FBXL6: variants seen among roughly 807,000 people sequenced by gnomAD.
FBXL6 encodes F-box/LRR-repeat protein 6.
In FBXL6, 50 loss-of-function variants were observed where a neutral mutation model predicts 53.3. The observed-to-expected ratio is 0.94, with a 90% confidence interval of 0.75 to 1.19. The LOEUF (loss-of-function observed/expected upper bound fraction) is 1.19, where lower values mean the gene tolerates loss of function less well. Ranked by LOEUF, FBXL6 falls within the 50% of genes most tolerant of loss-of-function variation. The probability of loss-of-function intolerance (pLI) is 0.00; values close to 1 mark genes in which losing one functional copy is unlikely to be tolerated. For missense variants in FBXL6, 815 were observed against 719.0 expected, an observed-to-expected ratio of 1.13 and a Z score of -1.53; for synonymous variants, 405 against 322.9, an observed-to-expected ratio of 1.25 and a Z score of -2.73.
intron 1 of FBXL6, 81 bp from the exon 2 acceptor site, chr8:144,357,867 A>G (rs1312920826): frequency 6.9e-7 from 1 of 1,439,876 alleles, no homozygotes; most frequent in East Asian, 2.5e-5. Flanking sequence ...ACCCCGGCTC[A>G]AAGCCGGGCT....
chr8:144,356,479 AC>A lies in FBXL6; in HGVS notation c.1045del (p.Val349TrpfsTer10). 6.2e-7 allele frequency: 1 copy of A among 1,612,862 alleles called. No homozygotes were observed. Among genetic ancestry groups the A allele is most frequent in the Non-Finnish European group, 8.5e-7 (1 of 1,179,996 alleles). ...GCTAGGGAAGCCTGGTCCGGGAGCCACCCCTCGTCCCGGAGGCTTGGGCAGC... is the reference window on the plus strand; with the variant it reads ...GCTAGGGAAGCCTGGTCCGGGAGCCACCCTCGTCCCGGAGGCTTGGGCAGC... ...MWLPKPPGRG[V>X]APGPGFPSLE... is the part of the protein sequence containing the mutation. On this transcript the variant is annotated frameshift_variant, in exon 7 of 9. Transcript: ENST00000331890. LOFTEE classifies it high-confidence loss of function.
At chr8:144,357,532 TA>T in intron 2 of FBXL6, 30 bp from the exon 3 acceptor site, 1 of 1,613,124 alleles carries the variant, frequency 6.2e-7, no homozygotes, top group Non-Finnish European at 8.5e-7. Context: ...AGAGCTGCAC[TA>T]ATGTTCCCAC....
rs1554852655 is a variant in FBXL6, at chr8:144,355,985, G to C, written c.1455C>G (p.Val485=). The C allele has an allele frequency of 1.2e-6, 2 of 1,612,840 alleles. No individual in the cohort carries two copies. Among genetic ancestry groups the C allele is most frequent in the Middle Eastern group, 1.7e-4 (1 of 5,994 alleles). ...ATGCTGACCTGACAGTGCTTGGTGT[G>C]ACCCGGGTGCCCCTGAGGTTAAGAG... is the stretch of plus-strand genomic sequence containing the variant. The part of the protein sequence containing the change: ...LCSLNLRGTR[V]TPSTVSSVIS... Residue 485 remains valine, a synonymous_variant, in exon 8 of 9, where the codon GTC becomes GTG. Coordinates refer to ENST00000331890, the MANE Select transcript of FBXL6 (RefSeq NM_012162.4).
At position 144,357,084 on chromosome 8, in the gene FBXL6, T is replaced by A; in HGVS notation, c.677A>T (p.Lys226Met). The A allele has an allele frequency of 6.2e-7, 1 of 1,612,828 alleles. No homozygotes were observed. The highest frequency in any genetic ancestry group is 8.5e-7 in the Non-Finnish European group (1 of 1,179,984). The change falls in exon 4 of 9, where the codon AAG (lysine) becomes ATG (methionine). Residue 226 changes from lysine to methionine, a missense_variant. Lys to Met is a moderately conservative substitution (Grantham distance 95, BLOSUM62 -1). Transcript: ENST00000331890. ...AGTCACACCGTGGCAGCCGGAGAGC[T>A]TGAGGAAAGTGAGCCGAGGACAGCA... The part of the protein sequence containing the change: ...GECCPRLTFL[K>M]LSGCHGVTAD...
At chr8:144,357,216 C>T (rs559480601) in intron 3 of FBXL6, 95 bp from the exon 4 acceptor site, 4 of 1,527,812 alleles carry the variant, frequency 2.6e-6, no homozygotes, top group South Asian at 2.5e-5. Context: ...CCCACTCTAC[C>T]GCCTTAGCTG....
In FBXL6 at chr8:144,358,225, G is replaced by A; in HGVS notation, c.223C>T (p.Pro75Ser). ...RRTPRQPPRG[P>S]SAAAKPKAGL... ...GCCTTGGGCTTGGCCGCGGCGCTGG[G>A]GCCCCGGGGCGGCTGCCGGGGAGTG... The change falls in exon 1 of 9, where the codon CCC becomes TCC. Residue 75 changes from proline (P) to serine (S), a missense_variant. Transcript: ENST00000331890. 1.7e-6 allele frequency: 2 copies of A among 1,206,892 alleles called. No individual in the cohort carries two copies. The highest frequency in any genetic ancestry group is 2.1e-6 in the Non-Finnish European group (2 of 971,540). 74.8% of individuals were successfully genotyped at this position (1,206,892 alleles called of 1,614,324 possible).
In FBXL6 at chr8:144,358,193, G is replaced by A; in HGVS notation, c.255C>T (p.Leu85=). Residue 85 remains leucine (L), a synonymous_variant, in exon 1 of 9, where the codon CTC becomes CTT. Coordinates refer to ENST00000331890, the MANE Select transcript of FBXL6 (RefSeq NM_012162.4). ...CGGGCGCGGCCGCCGCCTCGGACCTGAGCCCGGCCTTGGGCTTGGCCGCGG... is the reference window on the plus strand; with the variant it reads ...CGGGCGCGGCCGCCGCCTCGGACCTAAGCCCGGCCTTGGGCTTGGCCGCGG... ...PSAAAKPKAG[L]RSEAAAAPAP... is the part of the protein sequence containing the mutation. 1 of 1,363,540 alleles carries A rather than the reference G, an allele frequency of 7.3e-7. No homozygotes were observed. The highest frequency in any genetic ancestry group is 9.4e-7 in the Non-Finnish European group (1 of 1,063,380). The allele number at this position is 1,363,540 out of a possible 1,614,324, so 84.5% of individuals were successfully genotyped here.
chr8:144,355,492 G>A lies in FBXL6; in HGVS notation c.*39C>T, dbSNP rs782649430. ...ATCTGAAATTGGGCAAAGGTGGAGGGTGGGCAAGCTGGCTGAGGTGTCCCA... is the reference window on the plus strand; with the variant it reads ...ATCTGAAATTGGGCAAAGGTGGAGGATGGGCAAGCTGGCTGAGGTGTCCCA... On this transcript the variant is annotated 3_prime_UTR_variant, in exon 9 of 9. Coordinates refer to ENST00000331890, the MANE Select transcript of FBXL6 (RefSeq NM_012162.4). 9 of 1,593,300 alleles carry A rather than the reference G, an allele frequency of 5.6e-6. No homozygotes were observed. The highest frequency in any genetic ancestry group is 4.0e-5 in the African/African-American group (3 of 74,506).
intron 3 of FBXL6, 94 bp downstream of exon 3, chr8:144,357,345 G>A: frequency 7.4e-7 from 1 of 1,358,108 alleles, no homozygotes; most frequent in South Asian, 1.3e-5. Flanking sequence ...CCACGGAGCA[G>A]CGTTGGGCCC....
rs1554852894 is a variant in FBXL6, at chr8:144,356,720, A to G, written c.880-7T>C. The G allele has an allele frequency of 1.2e-5, 19 of 1,611,244 alleles. No homozygotes were observed. Among genetic ancestry groups the G allele is most frequent in the Non-Finnish European group, 1.6e-5 (19 of 1,179,362 alleles). On this transcript the variant is annotated splice_polypyrimidine_tract_variant and splice_region_variant and intron_variant, in intron 5 of 8. Coordinates refer to ENST00000331890, the MANE Select transcript of FBXL6 (RefSeq NM_012162.4). The stretch of plus-strand genomic sequence containing the variant: ...GCTGGGGGCAGCAGCTGCCCTGCAG[A>G]GATGGGGGGAGGGGGTAGGTCACAG...
At chr8:144,355,853 T>C in intron 8 of FBXL6, 115 bp downstream of exon 8, 2 of 1,550,280 alleles carry the variant, frequency 1.3e-6, no homozygotes, top group Non-Finnish European at 1.8e-6. Context: ...TTGGACAGTA[T>C]GCATGCCCCT....
At chr8:144,357,380 G>C in intron 3 of FBXL6, 59 bp downstream of exon 3, 3 of 1,540,626 alleles carry the variant, frequency 1.9e-6, no homozygotes, top group South Asian at 2.3e-5. Flanking sequence ...CCACTTCCTA[G>C]AGTACTGAAC....
In FBXL6 at chr8:144,356,055, G is replaced by A; in HGVS notation, c.1385C>T (p.Ala462Val). The A allele has an allele frequency of 6.2e-7, 1 of 1,612,972 alleles. No individual in the cohort carries two copies. Among genetic ancestry groups the A allele is most frequent in the Non-Finnish European group, 8.5e-7 (1 of 1,179,996 alleles). The change falls in exon 8 of 9, where the codon GCT (alanine) becomes GTT (valine). Residue 462 changes from alanine to valine, a missense_variant. Ala to Val is a moderately conservative substitution (Grantham distance 64). Coordinates refer to ENST00000331890, the MANE Select transcript of FBXL6 (RefSeq NM_012162.4). ...GCCCCCAGGGGTGCTTAAGAAGGCA[G>A]CCAGGGCCTGCTCCAGGTCCTTCTC... Reference protein sequence around the residue: ...FSEKDLEQALAAFLSTPGGSH... With the variant: ...FSEKDLEQALVAFLSTPGGSH...
chr8:144,356,957 T>A (rs782730125), intron 4 of FBXL6, 33 bp downstream of exon 4: 1 of 1,612,622 alleles, frequency 6.2e-7, no homozygotes. Flanking sequence ...CCGGCCTGGG[T>A]TTTTTCAGGG....
In FBXL6 at chr8:144,358,203, T is replaced by C. The variant is rs1554853424; in HGVS notation, c.245A>G (p.Lys82Arg). The C allele has an allele frequency of 6.4e-6, 8 of 1,257,474 alleles. No individual in the cohort carries two copies. The highest frequency in any genetic ancestry group is 6.0e-6 in the Non-Finnish European group (6 of 1,002,740). The allele number at this position is 1,257,474 out of a possible 1,614,324, so 77.9% of individuals were successfully genotyped here. Reference sequence around the variant, plus strand: ...CGCCGCCTCGGACCTGAGCCCGGCCTTGGGCTTGGCCGCGGCGCTGGGGCC... The same window carrying C: ...CGCCGCCTCGGACCTGAGCCCGGCCCTGGGCTTGGCCGCGGCGCTGGGGCC... ...PRGPSAAAKP[K>R]AGLRSEAAAA... is the part of the protein sequence containing the mutation. The change falls in exon 1 of 9, where the codon AAG (lysine) becomes AGG (arginine). Residue 82 changes from lysine to arginine, a missense_variant. Physicochemically the swap from Lys to Arg is conservative, Grantham distance 26. Coordinates refer to ENST00000331890, the MANE Select transcript of FBXL6 (RefSeq NM_012162.4).
At position 144,358,129 on chromosome 8, in the gene FBXL6, G is replaced by T; in HGVS notation, c.319C>A (p.Pro107Thr). Reference protein sequence around the residue: ...PAPTPTPEEGPDAGWGDRIPL... With the variant: ...PAPTPTPEEGTDAGWGDRIPL... Reference sequence around the variant, plus strand: ...ATGCGGTCTCCCCAGCCCGCGTCGGGCCCTTCCTCGGGCGTGGGCGTGGGT... The same window carrying T: ...ATGCGGTCTCCCCAGCCCGCGTCGGTCCCTTCCTCGGGCGTGGGCGTGGGT... The change falls in exon 1 of 9, where the codon CCC (proline) becomes ACC (threonine). Residue 107 changes from proline (P) to threonine (T), a missense_variant. Transcript: ENST00000331890. 6.4e-7 allele frequency: 1 copy of T among 1,571,996 alleles called. No homozygotes were observed. Among genetic ancestry groups the T allele is most frequent in the Non-Finnish European group, 8.6e-7 (1 of 1,165,220 alleles).
rs930244722 is a variant in FBXL6, at chr8:144,355,818, C to A, written c.1473-140G>T. 13 of 1,516,806 alleles carry A rather than the reference C, an allele frequency of 8.6e-6. No homozygotes were observed. The African/African-American group carries it at 1.8e-4, about 21-fold the overall frequency. 94.0% of individuals were successfully genotyped at this position (1,516,806 alleles called of 1,614,324 possible). ...AGGCCAAGCCCAGTTCCCCTGGTGT[C>A]CTCAGGCCCACCCCACGCAGGGGCT... On this transcript the variant is annotated intron_variant, in intron 8 of 8. Transcript: ENST00000331890.
chr8:144,357,231 C>T (rs1053807394), intron 3 of FBXL6, 110 bp from the exon 4 acceptor site: 1 of 1,454,368 alleles, frequency 6.9e-7, no homozygotes. Flanking sequence ...TAGCTGTGAC[C>T]TCCTTTCTGC....
In FBXL6 at chr8:144,356,144, G is replaced by C. The variant is rs781873449; in HGVS notation, c.1296C>G (p.Pro432=). ...TATGGCACCACTTCTGGGTCAAAAA[G>C]GGGCTGCCCTCCTTGGCTAGAGTCA... ...DRLTLAKEGS[P]FLTQKWCHTL... is the part of the protein sequence containing the mutation. Residue 432 remains proline, a synonymous_variant, in exon 8 of 9, where the codon CCC becomes CCG. Transcript: ENST00000331890. 6.2e-7 allele frequency: 1 copy of C among 1,612,984 alleles called. No individual in the cohort carries two copies. The highest frequency in any genetic ancestry group is 1.1e-5 in the South Asian group (1 of 91,088).
Sources: allele counts gnomAD v4.1 joint callset, GRCh38; gene constraint gnomAD v4.1.1; transcripts MANE v1.5; gene names NCBI Gene and HGNC (gene_info 2026-07-23, HGNC 2026-07-21).